The following ITGB2 variants were observed in gnomAD, a reference collection of about 807,000 sequenced individuals.
ITGB2 encodes integrin beta-2.
ITGB2 carries 56 observed loss-of-function variants against 86.8 expected under a neutral mutation model. The ratio of observed to expected loss-of-function variants is 0.65; its 90% CI spans 0.52 to 0.81. The LOEUF (loss-of-function observed/expected upper bound fraction) is 0.81, where lower values mean the gene tolerates loss of function less well. ITGB2 is among the 30% of genes least tolerant of loss of function. The probability of loss-of-function intolerance (pLI) is 0.00; values close to 1 mark genes in which losing one functional copy is unlikely to be tolerated. For synonymous variants in ITGB2, 457 were observed against 450.4 expected, an observed-to-expected ratio of 1.01 and a Z score of -0.19; for missense variants, 948 against 1,061.2, an observed-to-expected ratio of 0.89 and a Z score of 1.48.
Position 44,899,068 on chromosome 21 carries a change from T to A in ITGB2, c.992A>T (p.Glu331Val). ...TGCTCGGGACCCAACAGCACTCACCTCGTAGGTCTTCACCATCCTACTGGT... is the reference window on the plus strand; with the variant it reads ...TGCTCGGGACCCAACAGCACTCACCACGTAGGTCTTCACCATCCTACTGGT... ...AVTSRMVKTY[E>V]KLTEIIPKSA... The change falls in exon 8 of 16, where the codon GAG becomes GTG. Residue 331 changes from glutamate (E) to valine (V), a missense_variant and splice_region_variant. By Grantham distance (121) the Glu-to-Val change is moderately radical. Transcript: ENST00000652462. 1 of 1,612,474 alleles carries A rather than the reference T, an allele frequency of 6.2e-7. No homozygotes were observed. The highest frequency in any genetic ancestry group is 1.1e-5 in the South Asian group (1 of 91,022).
In ITGB2 at chr21:44,888,377, G is replaced by C. The variant is rs563980560; in HGVS notation, c.2080+316C>G. Reference sequence around the variant, plus strand: ...AGCCTTGCCCCATGAGGCATCCAGCGGGAGATGGCCCGGGCCGTGTGGCAT... The same window carrying C: ...AGCCTTGCCCCATGAGGCATCCAGCCGGAGATGGCCCGGGCCGTGTGGCAT... On this transcript the variant is annotated intron_variant, in intron 14 of 15. Transcript: ENST00000652462. Among the ~76,000 whole-genome samples the C allele has an allele frequency of 4.6e-5, 7 of 152,386 alleles. No individual in the cohort carries two copies. In the South Asian group the frequency reaches 6.2e-4, roughly 14 times the overall value.
intron 1 of ITGB2, among the ~76,000 whole-genome samples, 171 bp downstream of exon 1, chr21:44,920,650 C>G (rs952169032): frequency 6.6e-6 from 1 of 152,238 alleles, no homozygotes; most frequent in African/African-American, 2.4e-5. Flanking sequence ...GGCACTTCCC[C>G]TTGCCGGGTC....
intron 8 of ITGB2, 71 bp from the exon 9 acceptor site, chr21:44,895,131 C>T: frequency 2.6e-6 from 3 of 1,140,166 alleles, no homozygotes; most frequent in Non-Finnish European, 4.0e-6. Context: ...ACTGGGCTCA[C>T]CCCAGGGGCT....
Position 44,914,852 on chromosome 21 carries a change from G to C in ITGB2, c.-3-4067C>G, listed in dbSNP as rs1427733105. ...GGAGGCTGAGGCAGGAGGATCACTCGCGCCCAGGAGGGAGAGACTGCAGTG... is the reference window on the plus strand; with the variant it reads ...GGAGGCTGAGGCAGGAGGATCACTCCCGCCCAGGAGGGAGAGACTGCAGTG... On this transcript the variant is annotated intron_variant, in intron 1 of 15. Transcript: ENST00000652462. 2.6e-5 allele frequency among the ~76,000 whole-genome samples: 4 copies of C among 152,200 alleles called. No individual in the cohort carries two copies. The South Asian group carries it at 8.3e-4, about 32-fold the overall frequency.
chr21:44,898,191 G>C (rs1426989881), intron 8 of ITGB2, among the ~76,000 whole-genome samples: 4 of 152,170 alleles, frequency 2.6e-5, no homozygotes, highest in East Asian at 1.9e-4. Flanking sequence ...CCGCGCCGCT[G>C]TGACTGACCC....
chr21:44,918,374 C>T (rs1442359786), intron 1 of ITGB2, among the ~76,000 whole-genome samples: 6 of 152,262 alleles, frequency 3.9e-5, no homozygotes, highest in African/African-American at 1.2e-4. Flanking sequence ...TGTCCCACAG[C>T]CCTGGTACCT....
In ITGB2 at chr21:44,918,283, G is replaced by A. The variant is rs551033753; in HGVS notation, c.-4+2538C>T. ...ACCACGGTTCTCTGACACAGGACAC[G>A]AGTGCAGCAAGGGGGGCCCACACAG... is the stretch of plus-strand genomic sequence containing the variant. On this transcript the variant is annotated intron_variant, in intron 1 of 15. Transcript: ENST00000652462. 5.9e-5 allele frequency among the ~76,000 whole-genome samples: 9 copies of A among 152,342 alleles called. No individual in the cohort carries two copies. In the South Asian group the frequency reaches 1.7e-3, roughly 28 times the overall value.
At chr21:44,919,725 C>T (rs552252411) in intron 1 of ITGB2, among the ~76,000 whole-genome samples, 2 of 152,324 alleles carry the variant, frequency 1.3e-5, no homozygotes, top group African/African-American at 4.8e-5. Context: ...GCAGCCATGC[C>T]ACCCCTCCTT....
chr21:44,889,467 G>C lies in ITGB2; in HGVS notation c.1686C>G (p.Cys562Trp). ...AGCCCTCAAAGCCCGGGTGGCAGCG[G>C]CACTTCCCGCAGAAGCAGAGCCCCC... ...PGRGLCFCGK[C>W]RCHPGFEGSA... Residue 562 changes from cysteine (C) to tryptophan (W), a missense_variant, in exon 13 of 16, where the codon TGC becomes TGG. Coordinates refer to ENST00000652462, the MANE Select transcript of ITGB2 (RefSeq NM_000211.5). The C allele has an allele frequency of 2.5e-6, 4 of 1,583,468 alleles. No individual in the cohort carries two copies. Among genetic ancestry groups the C allele is most frequent in the Non-Finnish European group, 3.4e-6 (4 of 1,165,366 alleles).
intron 6 of ITGB2, among the ~76,000 whole-genome samples, chr21:44,901,210 G>A (rs142593906): frequency 4.5e-4 from 69 of 152,326 alleles, no homozygotes; most frequent in African/African-American, 1.5e-3. Context: ...TTGGCCGCTC[G>A]CAAAATGTTT....
At chr21:44,897,195 C>T (rs924090186) in intron 8 of ITGB2, among the ~76,000 whole-genome samples, 3 of 152,230 alleles carry the variant, frequency 2.0e-5, no homozygotes, top group African/African-American at 4.8e-5. Context: ...GTCTCGCTGT[C>T]GGCCCCAACA....
Position 44,886,767 on chromosome 21 carries a change from T to G in ITGB2, c.2216A>C (p.Glu739Ala). ...LSDLREYRRF[E>A]KEKLKSQWNN... ...CCACTGGGACTTGAGCTTCTCCTTC[T>G]CAAAGCGCCTGTACTCCCGGAGGTC... Residue 739 changes from glutamate (E) to alanine (A), a missense_variant, in exon 15 of 16, where the codon GAG (glutamate) becomes GCG (alanine). Transcript: ENST00000652462. 6.2e-7 allele frequency: 1 copy of G among 1,613,960 alleles called. No individual in the cohort carries two copies. Among genetic ancestry groups the G allele is most frequent in the Non-Finnish European group, 8.5e-7 (1 of 1,180,004 alleles).
chr21:44,891,780 G>T (rs927904718), intron 11 of ITGB2, 29 bp downstream of exon 11: 17 of 1,598,538 alleles, frequency 1.1e-5, no homozygotes, highest in Non-Finnish European at 1.2e-5. Flanking sequence ...GCTCGGGGAT[G>T]GTTCAACAGG....
chr21:44,890,975 C>T (rs1009264918), intron 11 of ITGB2, among the ~76,000 whole-genome samples: 3 of 151,982 alleles, frequency 2.0e-5, no homozygotes, highest in Admixed American at 2.0e-4. Context: ...CCACAGAGAC[C>T]ATCATTGTCC....
chr21:44,893,845 C>G (rs1291000419), intron 9 of ITGB2: 2 of 405,870 alleles, frequency 4.9e-6, no homozygotes, highest in Non-Finnish European at 9.4e-6. Flanking sequence ...AGGGCAGGAG[C>G]TGCATAAATT....
At chr21:44,887,368 A>G (rs1334526380) in intron 14 of ITGB2, among the ~76,000 whole-genome samples, 1 of 152,146 alleles carries the variant, frequency 6.6e-6, no homozygotes, top group African/African-American at 2.4e-5. Context: ...AGGATGAGCA[A>G]CGCAAGGTCC....
At chr21:44,893,662 C>T in intron 9 of ITGB2, 118 bp from the exon 10 acceptor site, 1 of 1,332,686 alleles carries the variant, frequency 7.5e-7, no homozygotes, top group East Asian at 2.4e-5. Context: ...CCAGTGTCAG[C>T]TAATGACACA....
chr21:44,922,461 G>A (rs552624371), upstream of ITGB2, among the ~76,000 whole-genome samples: 36 of 152,038 alleles, frequency 2.4e-4, no homozygotes, highest in Admixed American at 1.4e-3. Context: ...CCAGGAGTTC[G>A]AGACCAGCCT....
chr21:44,894,500 C>T (rs989128321), intron 9 of ITGB2: 19 of 255,264 alleles, frequency 7.4e-5, no homozygotes, highest in South Asian at 3.7e-4. Context: ...CTCGATGGGC[C>T]GTGCACCAGG....
Sources: gnomAD v4.1 joint callset for allele counts (sites outside exome capture counted in the v4.1 genomes callset) on GRCh38, gnomAD v4.1.1 for gene constraint, MANE v1.5 for transcripts, NCBI Gene and HGNC (gene_info 2026-07-23, HGNC 2026-07-21) for gene names.